Variants in CDH22 observed in about 807,000 individuals in gnomAD.
CDH22 encodes the protein cadherin-22.
In CDH22, 30 loss-of-function variants were observed where a neutral mutation model predicts 58.4. The observed-to-expected ratio is 0.51, with a 90% confidence interval of 0.38 to 0.70. The LOEUF is 0.70. CDH22 is among the 30% of genes least tolerant of loss of function. CDH22 has a pLI of 0.00. For synonymous variants in CDH22, 513 were observed against 558.2 expected (o/e 0.92, Z 1.14); for missense variants, 1,014 against 1,233.9 (o/e 0.82, Z 2.67).
chr20:46,180,581 T>A (rs2085777437), intron 10 of CDH22, among the ~76,000 whole-genome samples: 1 of 152,236 alleles, frequency 6.6e-6, no homozygotes, highest in Admixed American at 6.5e-5. Context: ...ACTCTCTGCA[T>A]ATTTTAAATA....
intron 2 of CDH22, among the ~76,000 whole-genome samples, chr20:46,249,851 C>T (rs138713410): frequency 5.3e-5 from 8 of 152,330 alleles, no homozygotes; most frequent in Non-Finnish European, 7.3e-5. Flanking sequence ...GATTAGGTTA[C>T]GTCCTCTTTC....
intron 4 of CDH22, 60 bp downstream of exon 4, chr20:46,227,448 T>C: frequency 7.1e-7 from 1 of 1,404,434 alleles, no homozygotes; most frequent in Non-Finnish European, 9.7e-7. Flanking sequence ...GTGGTCCTCG[T>C]CCCGCCCCGC....
chr20:46,303,892 T>C (rs564425511), intron 1 of CDH22, among the ~76,000 whole-genome samples: 2 of 152,274 alleles, frequency 1.3e-5, no homozygotes, highest in East Asian at 3.9e-4. Flanking sequence ...ATCGCTCTGG[T>C]TGCCGCAGGG....
chr20:46,251,395 C>A lies in CDH22; in HGVS notation c.-101G>T. On this transcript the variant is annotated 5_prime_UTR_variant, in exon 2 of 12. In the 5' UTR this introduces an upstream ATG that the reference lacks. Coordinates refer to ENST00000537909, the MANE Select transcript of CDH22 (RefSeq NM_021248.3). This position sits in a 1 kb window ranked among gnomAD's most constrained non-coding sequence, Gnocchi z 6.7. ...ATGCGGCGCCGTGTCACATGGTGGCCTCAGCGCGGCCGCCGGGATGTCGCC... is the reference window on the plus strand; with the variant it reads ...ATGCGGCGCCGTGTCACATGGTGGCATCAGCGCGGCCGCCGGGATGTCGCC... 7.7e-7 allele frequency: 1 copy of A among 1,294,746 alleles called. No individual in the cohort carries two copies. The highest frequency in any genetic ancestry group is 3.2e-5 in the East Asian group (1 of 31,014). The allele number at this position is 1,294,746 out of a possible 1,614,324, so 80.2% of individuals were successfully genotyped here.
chr20:46,306,153 T>C (rs966955062), intron 1 of CDH22, among the ~76,000 whole-genome samples: 9 of 152,378 alleles, frequency 5.9e-5, no homozygotes, highest in Non-Finnish European at 1.2e-4. Context: ...GAACACCTCA[T>C]GCTGAATTTA....
rs765407196 is a variant in CDH22, at chr20:46,199,497, G to T, written c.1349C>A (p.Ala450Asp). 6.2e-7 allele frequency: 1 copy of T among 1,613,838 alleles called. No homozygotes were observed. Among genetic ancestry groups the T allele is most frequent in the Non-Finnish European group, 8.5e-7 (1 of 1,180,000 alleles). Residue 450 changes from alanine to aspartate, a missense_variant, in exon 8 of 12, where the codon GCC (alanine) becomes GAC (aspartate). Physicochemically the swap from Ala to Asp is moderately radical, Grantham distance 126 (BLOSUM62 -2). Transcript: ENST00000537909. ...QIFDIDADTGAIVTGKGLDRE... is the reference protein window; with the variant it reads ...QIFDIDADTGDIVTGKGLDRE... ...GTCCAGCCCCTTGCCAGTCACGATG[G>T]CGCCTGTGTCCGCATCGATATCGAA...
intron 8 of CDH22, among the ~76,000 whole-genome samples, chr20:46,188,640 C>G (rs1346431974): frequency 6.6e-6 from 1 of 152,088 alleles, no homozygotes; most frequent in East Asian, 1.9e-4. Flanking sequence ...CAGACATTCT[C>G]GAAGGGTCCT....
At chr20:46,254,416 A>G (rs1050547181) in intron 1 of CDH22, among the ~76,000 whole-genome samples, 8 of 151,966 alleles carry the variant, frequency 5.3e-5, no homozygotes, top group African/African-American at 1.9e-4. Context: ...TTAGCCAGGC[A>G]TGGTGGTGGG....
chr20:46,213,564 A>C (rs1233130510), intron 5 of CDH22, among the ~76,000 whole-genome samples: 1 of 152,156 alleles, frequency 6.6e-6, no homozygotes, highest in East Asian at 1.9e-4. Flanking sequence ...TCCTCTGTAA[A>C]ATGGAAATAA....
chr20:46,302,022 G>A (rs1600731629), intron 1 of CDH22, among the ~76,000 whole-genome samples: 1 of 152,234 alleles, frequency 6.6e-6, no homozygotes, highest in East Asian at 1.9e-4. Flanking sequence ...CTCTGGGGAG[G>A]GGCCAGGCAA....
intron 8 of CDH22, among the ~76,000 whole-genome samples, chr20:46,189,281 C>T (rs927782229): frequency 2.6e-5 from 4 of 152,188 alleles, no homozygotes; most frequent in African/African-American, 9.6e-5. Context: ...GGAGTCGTGA[C>T]TGGGAATGCC....
chr20:46,218,023 A>T (rs1196814917), intron 4 of CDH22, among the ~76,000 whole-genome samples: 1 of 151,706 alleles, frequency 6.6e-6, no homozygotes. Context: ...TCCCGGGTTC[A>T]AGCAACTCTC....
At chr20:46,175,590 T>C (rs2085732468) in intron 11 of CDH22, among the ~76,000 whole-genome samples, 2 of 152,310 alleles carry the variant, frequency 1.3e-5, no homozygotes, top group East Asian at 3.9e-4. Context: ...GCAGGAACCC[T>C]TCCCTGAGAG....
At chr20:46,232,129 G>T (rs2086224141) in intron 3 of CDH22, among the ~76,000 whole-genome samples, 1 of 152,066 alleles carries the variant, frequency 6.6e-6, no homozygotes, top group Non-Finnish European at 1.5e-5. Context: ...AACAAGAATT[G>T]GAATATGTGT....
intron 1 of CDH22, among the ~76,000 whole-genome samples, chr20:46,303,514 T>C (rs566356186): frequency 1.1e-4 from 16 of 152,324 alleles, no homozygotes; most frequent in Admixed American, 2.0e-4. Context: ...GCTTAACACA[T>C]AGTAATGCTT....
At position 46,227,513 on chromosome 20, in the gene CDH22, T is replaced by C. The variant is rs1405984183; in HGVS notation, c.665A>G (p.Lys222Arg). Residue 222 changes from lysine to arginine, a missense_variant, in exon 4 of 12, where the codon AAG (lysine) becomes AGG (arginine). Physicochemically the swap from Lys to Arg is conservative, Grantham distance 26. This residue lies in a region of CDH22 where 806 missense variants were observed against 1,038.7 expected (regional missense o/e 0.78). Transcript: ENST00000537909. Reference protein sequence around the residue: ...DGEHHFTVDPKTGVIRTAVPD... With the variant: ...DGEHHFTVDPRTGVIRTAVPD... ...GGCCCCGCCCTGCCCCTCACCGGTC[T>C]TGGGGTCCACGGTGAAGTGGTGCTC... 3 of 1,457,006 alleles carry C rather than the reference T, an allele frequency of 2.1e-6. No individual in the cohort carries two copies. The highest frequency in any genetic ancestry group is 1.8e-5 in the Admixed American group (1 of 54,910). 90.3% of individuals were successfully genotyped at this position (1,457,006 alleles called of 1,614,324 possible).
chr20:46,205,062 C>A (rs1182367612), intron 7 of CDH22, among the ~76,000 whole-genome samples: 2 of 152,022 alleles, frequency 1.3e-5, no homozygotes, highest in African/African-American at 4.8e-5. Context: ...AAGCAGCCTG[C>A]CTCCTGCTCC....
intron 10 of CDH22, among the ~76,000 whole-genome samples, chr20:46,180,858 TGA>T (rs1461405218): frequency 6.6e-6 from 1 of 152,064 alleles, no homozygotes; most frequent in Non-Finnish European, 1.5e-5. Context: ...CTTAGCTTCC[TGA>T]GTACCTAGGA....
At chr20:46,178,328 G>T in intron 10 of CDH22, 131 bp from the exon 11 acceptor site, 1 of 989,652 alleles carries the variant, frequency 1.0e-6, no homozygotes, top group Non-Finnish European at 1.5e-6. Context: ...TGGACTCATG[G>T]GTCTCTTCTC....
Sources: gnomAD v4.1 joint callset for allele counts (sites outside exome capture counted in the v4.1 genomes callset) on GRCh38, gnomAD v4.1.1 for gene constraint, gnomAD v4.1.1 regional missense constraint, Gnocchi (gnomAD v3.1) non-coding constraint, MANE v1.5 for transcripts, NCBI Gene and HGNC (gene_info 2026-07-23, HGNC 2026-07-21) for gene names.